Variants in DOK6 observed in about 807,000 individuals in gnomAD.
The protein encoded by DOK6 is downstream of tyrosine kinase 6.
Under a neutral mutation model 44.0 loss-of-function variants are expected in DOK6, and 22 were observed. The observed-to-expected ratio is 0.50, with a 90% CI of 0.36 to 0.71. The LOEUF is 0.71. Among genes scored for constraint, DOK6 ranks in the 30% least tolerant of loss-of-function variants. DOK6 has a pLI of 0.00. For missense variants in DOK6, 340 were observed against 416.4 expected (o/e 0.82, Z 1.60); for synonymous variants, 166 against 145.5 (o/e 1.14, Z -1.01).
intron 3 of DOK6, among the ~76,000 whole-genome samples, chr18:69,612,440 A>T (rs1568311251): frequency 1.4e-5 from 2 of 146,852 alleles, no homozygotes; most frequent in African/African-American, 2.4e-5. Context: ...CATGTGTGCG[A>T]GGGCGCATGT....
rs146249182 is a variant in DOK6 at position 69,709,990 on chromosome 18, C to T, written c.599+11397C>T. The stretch of plus-strand genomic sequence containing the variant: ...TCTAGGAGTTCAAGAGCAGACTTGG[C>T]AACATAGTGAGACTGCTTCTCTACT... On this transcript the variant is annotated intron_variant, in intron 5 of 7. Transcript: ENST00000382713. Among the ~76,000 whole-genome samples, 224 of 152,202 alleles carry T rather than the reference C, an allele frequency of 1.5e-3. 1 individual carries two copies. The highest frequency in any genetic ancestry group is 5.0e-3 in the African/African-American group (209 of 41,536).
chr18:69,638,111 A>G (rs1162854304), intron 3 of DOK6, among the ~76,000 whole-genome samples: 1 of 152,214 alleles, frequency 6.6e-6, no homozygotes, highest in Non-Finnish European at 1.5e-5. Context: ...CTTTTTCTGT[A>G]AGTCAGATAG....
intron 1 of DOK6, among the ~76,000 whole-genome samples, chr18:69,468,615 G>A (rs1298735762): frequency 1.3e-5 from 2 of 152,158 alleles, no homozygotes; most frequent in Admixed American, 6.5e-5. Context: ...GAGAAGCACG[G>A]ATGTGGCTGC....
intron 1 of DOK6, among the ~76,000 whole-genome samples, chr18:69,428,917 T>G (rs943165858): frequency 6.6e-5 from 10 of 152,350 alleles, no homozygotes; most frequent in African/African-American, 2.4e-4. Context: ...AGTGTTTCCT[T>G]ATAGGCACCT....
At chr18:69,557,538 G>A (rs993069254) in intron 1 of DOK6, among the ~76,000 whole-genome samples, 2 of 152,104 alleles carry the variant, frequency 1.3e-5, no homozygotes, top group African/African-American at 4.8e-5. Flanking sequence ...AGATGGAAGG[G>A]GATTAAGAAG....
chr18:69,823,502 CTA>C (rs1415562605), intron 7 of DOK6, among the ~76,000 whole-genome samples: 4 of 152,042 alleles, frequency 2.6e-5, no homozygotes, highest in Admixed American at 1.3e-4. Context: ...TCTCTGGAAA[CTA>C]TGTGTAGTTT....
intron 7 of DOK6, among the ~76,000 whole-genome samples, chr18:69,826,348 G>A (rs1426445430): frequency 6.6e-6 from 1 of 152,146 alleles, no homozygotes; most frequent in Non-Finnish European, 1.5e-5. Context: ...TAAAGTAGCA[G>A]TTACTCTGAA....
At chr18:69,512,332 C>CTTCTTCTTTTTTTTTTTTTTTTTTTT (rs59109570) in intron 1 of DOK6, among the ~76,000 whole-genome samples, 1 of 91,690 alleles carries the variant, frequency 1.1e-5, no homozygotes, top group African/African-American at 4.7e-5. Flanking sequence ...CTTTCTTCTT[C>CTTCTTCTTTTTTTTTTTTTTTTTTTT]TTTTTTTTTT....
intron 1 of DOK6, among the ~76,000 whole-genome samples, chr18:69,414,815 A>T (rs1978321603): frequency 6.6e-6 from 1 of 152,048 alleles, no homozygotes. Context: ...ATTAAAAGCT[A>T]ATTAGAAAAT....
rs1321121893 is a variant in DOK6 at position 69,559,614 on chromosome 18, T to C, written c.67-4873T>C. Among the ~76,000 whole-genome samples, 13 of 152,276 alleles carry C rather than the reference T, an allele frequency of 8.5e-5. No individual in the cohort carries two copies. In the East Asian group the frequency reaches 1.2e-3, roughly 14 times the overall value. ...ACAACTACCACAACCAGCACTATCC[T>C]ACCATCACTGCTAGTTTTAAAAAAA... On this transcript the variant is annotated intron_variant, in intron 1 of 7. Coordinates refer to ENST00000382713, the MANE Select transcript of DOK6 (RefSeq NM_152721.6).
rs570011092 is a variant in DOK6 at position 69,641,213 on chromosome 18, CA to C, written c.290-36512del. Among the ~76,000 whole-genome samples, 979 of 123,880 alleles carry C rather than the reference CA, an allele frequency of 7.9e-3. 11 individuals are homozygous for C. Among genetic ancestry groups the C allele is most frequent in the African/African-American group, 0.026 (869 of 33,124 alleles). 81.3% of individuals were successfully genotyped at this position (123,880 alleles called of 152,430 possible). On this transcript the variant is annotated intron_variant, in intron 3 of 7. Transcript: ENST00000382713. ...CTGGTGACAGAGCAAGACTCCGTCTCAAAAAAAAAGAAAAAAAAAAAGAACT... is the reference window on the plus strand; with the variant it reads ...CTGGTGACAGAGCAAGACTCCGTCTCAAAAAAAAGAAAAAAAAAAAGAACT...
chr18:69,479,565 A>G (rs1043939892), intron 1 of DOK6, among the ~76,000 whole-genome samples: 1 of 152,150 alleles, frequency 6.6e-6, no homozygotes, highest in African/African-American at 2.4e-5. Context: ...ATACACTTTT[A>G]TAGGATTAAT....
intron 1 of DOK6, among the ~76,000 whole-genome samples, chr18:69,403,421 T>C (rs771270499): frequency 1.3e-5 from 2 of 152,218 alleles, no homozygotes; most frequent in African/African-American, 4.8e-5. Flanking sequence ...TAACGATGTG[T>C]GCAAATGTAT....
At chr18:69,444,577 T>C (rs1261081043) in intron 1 of DOK6, among the ~76,000 whole-genome samples, 8 of 151,992 alleles carry the variant, frequency 5.3e-5, no homozygotes, top group Admixed American at 5.2e-4. Flanking sequence ...ACCATATTGA[T>C]TTTTATTTTT....
chr18:69,487,177 A>ATGTGTGTG (rs5825940), intron 1 of DOK6, among the ~76,000 whole-genome samples: 30 of 140,468 alleles, frequency 2.1e-4, no homozygotes, highest in Non-Finnish European at 2.9e-4. Flanking sequence ...CTGATAGGAT[A>ATGTGTGTG]TGTGTGTGTG....
At position 69,526,338 on chromosome 18, in the gene DOK6, G is replaced by T. The variant is rs80341075; in HGVS notation, c.67-38149G>T. Among the ~76,000 whole-genome samples, 498 of 152,220 alleles carry T rather than the reference G, an allele frequency of 3.3e-3. 2 individuals are homozygous for T. Among genetic ancestry groups the T allele is most frequent in the Non-Finnish European group, 4.8e-3 (325 of 67,986 alleles). ...TATAAATGGAATGTACACAATGTCA[G>T]CTTTTATAACTGACTCCTTTCACTT... On this transcript the variant is annotated intron_variant, in intron 1 of 7. Coordinates refer to ENST00000382713, the MANE Select transcript of DOK6 (RefSeq NM_152721.6).
intron 3 of DOK6, among the ~76,000 whole-genome samples, chr18:69,624,375 A>G (rs995247588): frequency 1.3e-5 from 2 of 152,180 alleles, no homozygotes; most frequent in Non-Finnish European, 1.5e-5. Context: ...AGCCACTTCT[A>G]TAAAACCTGC....
At chr18:69,507,855 T>C (rs995838255) in intron 1 of DOK6, among the ~76,000 whole-genome samples, 10 of 152,116 alleles carry the variant, frequency 6.6e-5, no homozygotes, top group African/African-American at 2.4e-4. Context: ...GTTTCTTTTG[T>C]AGCCTTGTTG....
intron 3 of DOK6, among the ~76,000 whole-genome samples, chr18:69,656,608 T>A (rs965147735): frequency 6.6e-6 from 1 of 152,174 alleles, no homozygotes; most frequent in Non-Finnish European, 1.5e-5. Flanking sequence ...AAATTTAAAG[T>A]AATATTGATG....
Sources: allele counts gnomAD v4.1 joint callset (sites outside exome capture counted in the v4.1 genomes callset), GRCh38; gene constraint gnomAD v4.1.1; transcripts MANE v1.5; gene names NCBI Gene and HGNC (gene_info 2026-07-23, HGNC 2026-07-21).